The following LRRC4C variants were observed in gnomAD, a reference collection of about 807,000 sequenced individuals.
The protein encoded by LRRC4C is leucine-rich repeat-containing protein 4C.
LRRC4C carries 5 observed loss-of-function variants against 33.6 expected under a neutral mutation model. The observed-to-expected ratio is 0.15, with a 90% CI of 0.08 to 0.31. The LOEUF (loss-of-function observed/expected upper bound fraction) is 0.31, where lower values mean the gene tolerates loss of function less well. LRRC4C is among the 10% of genes least tolerant of loss of function. The pLI is 1.00. For missense variants in LRRC4C, 560 were observed against 796.7 expected, an observed-to-expected ratio of 0.70 and a Z score of 3.58; for synonymous variants, 329 against 302.0, an observed-to-expected ratio of 1.09 and a Z score of -0.93.
chr11:40,769,046 G>A (rs12283238), intron 2 of LRRC4C, among the ~76,000 whole-genome samples: 7,711 of 151,920 alleles, frequency 0.051, 263 homozygotes, highest in African/African-American at 0.092. Context: ...TCAAATTATC[G>A]TTGTTTGTGA....
intron 3 of LRRC4C, among the ~76,000 whole-genome samples, chr11:40,374,330 A>G (rs562695471): frequency 6.6e-6 from 1 of 152,162 alleles, no homozygotes; most frequent in Non-Finnish European, 1.5e-5. Context: ...GTATGCATTT[A>G]TTAATTCCCT....
intron 1 of LRRC4C, among the ~76,000 whole-genome samples, chr11:40,988,250 C>T (rs1853215102): frequency 1.3e-5 from 2 of 152,166 alleles, no homozygotes; most frequent in South Asian, 2.1e-4. Flanking sequence ...CTCACTCCCA[C>T]GGTCCCAGCT....
intron 3 of LRRC4C, among the ~76,000 whole-genome samples, chr11:40,590,271 G>A (rs369137468): frequency 3.2e-4 from 48 of 151,072 alleles, no homozygotes; most frequent in African/African-American, 7.8e-4. Context: ...TGATCGCATC[G>A]TCTCCTGAGG....
In LRRC4C at chr11:41,254,276, T is replaced by C. The variant is rs532950238; in HGVS notation, c.-496+205155A>G. Among the ~76,000 whole-genome samples the C allele has an allele frequency of 5.3e-5, 8 of 152,184 alleles. No homozygotes were observed. In the South Asian group the frequency reaches 1.0e-3, roughly 20 times the overall value. On this transcript the variant is annotated intron_variant, in intron 1 of 6. Coordinates refer to ENST00000528697, the MANE Select transcript of LRRC4C (RefSeq NM_001258419.2). ...ATCAAGAAACCCTTTTTCCAATAAATGCACACCAACCCATCACCTTCATTT... is the reference window on the plus strand; with the variant it reads ...ATCAAGAAACCCTTTTTCCAATAAACGCACACCAACCCATCACCTTCATTT...
intron 1 of LRRC4C, among the ~76,000 whole-genome samples, chr11:41,457,050 C>T (rs1956191961): frequency 6.6e-6 from 1 of 152,172 alleles, no homozygotes; most frequent in Non-Finnish European, 1.5e-5. Flanking sequence ...AAGATTCACT[C>T]ATTACAATTA....
chr11:41,167,310 T>C (rs190069723), intron 1 of LRRC4C, among the ~76,000 whole-genome samples: 5 of 152,298 alleles, frequency 3.3e-5, no homozygotes, highest in Admixed American at 6.5e-5. Context: ...CTAATTCCTC[T>C]GAGCAGGAGG....
At chr11:40,844,163 A>G (rs142366082) in intron 2 of LRRC4C, among the ~76,000 whole-genome samples, 1 of 152,110 alleles carries the variant, frequency 6.6e-6, no homozygotes, top group Non-Finnish European at 1.5e-5. Flanking sequence ...ACTAGTTTAC[A>G]GTCATGTTGG....
intron 1 of LRRC4C, among the ~76,000 whole-genome samples, chr11:41,301,018 A>G (rs1044833156): frequency 3.9e-5 from 6 of 152,186 alleles, no homozygotes; most frequent in Non-Finnish European, 7.4e-5. Context: ...TTTTGTTTGG[A>G]TATTAAAACA....
intron 5 of LRRC4C, among the ~76,000 whole-genome samples, chr11:40,187,296 G>A (rs2135569222): frequency 6.6e-6 from 1 of 151,772 alleles, no homozygotes; most frequent in African/African-American, 2.4e-5. Flanking sequence ...ATACTTCAAG[G>A]TGAAATGCCT....
chr11:40,330,710 A>G (rs1342614855), intron 3 of LRRC4C, among the ~76,000 whole-genome samples: 1 of 152,076 alleles, frequency 6.6e-6, no homozygotes, highest in East Asian at 1.9e-4. Flanking sequence ...GAACTTACTC[A>G]CTATCATGAG....
chr11:41,122,637 T>C (rs1414583272), intron 1 of LRRC4C, among the ~76,000 whole-genome samples: 1 of 151,916 alleles, frequency 6.6e-6, no homozygotes, highest in Non-Finnish European at 1.5e-5. Context: ...GAAATATATA[T>C]AAATATGGCA....
At chr11:41,408,125 G>T (rs1314394726) in intron 1 of LRRC4C, among the ~76,000 whole-genome samples, 4 of 152,110 alleles carry the variant, frequency 2.6e-5, no homozygotes, top group African/African-American at 9.7e-5. Flanking sequence ...GGTCAGAGAG[G>T]TTACAAGATG....
chr11:40,343,143 C>G (rs1432690159), intron 3 of LRRC4C, among the ~76,000 whole-genome samples: 1 of 152,012 alleles, frequency 6.6e-6, no homozygotes, highest in African/African-American at 2.4e-5. Flanking sequence ...TGACTCACTA[C>G]CATTGGAAAT....
intron 1 of LRRC4C, among the ~76,000 whole-genome samples, chr11:41,309,081 C>T (rs1950579511): frequency 6.6e-6 from 1 of 152,182 alleles, no homozygotes; most frequent in Non-Finnish European, 1.5e-5. Flanking sequence ...TGGGATTACA[C>T]ATCACACACC....
intron 3 of LRRC4C, among the ~76,000 whole-genome samples, chr11:40,516,370 T>A (rs185070616): frequency 1.0e-3 from 155 of 152,224 alleles, no homozygotes; most frequent in South Asian, 4.3e-3. Flanking sequence ...TCAAGGCTCA[T>A]TATTTTCCAA....
At chr11:40,641,330 T>C (rs78744352) in intron 3 of LRRC4C, among the ~76,000 whole-genome samples, 1,777 of 152,270 alleles carry the variant, frequency 0.012, 35 homozygotes, top group African/African-American at 0.04. Flanking sequence ...TAATGTGCCA[T>C]TCTTATTCAC....
chr11:40,338,172 G>A (rs889778009), intron 3 of LRRC4C, among the ~76,000 whole-genome samples: 9 of 152,132 alleles, frequency 5.9e-5, no homozygotes, highest in African/African-American at 2.2e-4. Flanking sequence ...TGAGGATGTG[G>A]CTGTTTGGAA....
chr11:41,012,255 C>G (rs73468537), intron 1 of LRRC4C, among the ~76,000 whole-genome samples: 27 of 152,168 alleles, frequency 1.8e-4, no homozygotes, highest in African/African-American at 5.5e-4. Flanking sequence ...CCCTTCTCAG[C>G]CTCTGTTAAC....
chr11:40,657,115 G>A (rs116161059), intron 2 of LRRC4C, among the ~76,000 whole-genome samples: 1,591 of 152,180 alleles, frequency 0.01, 26 homozygotes, highest in African/African-American at 0.034. Context: ...AAGATCTGCC[G>A]CGAATGAATC....
Sources: gnomAD v4.1 joint callset for allele counts (sites outside exome capture counted in the v4.1 genomes callset) on GRCh38, gnomAD v4.1.1 for gene constraint, MANE v1.5 for transcripts, NCBI Gene and HGNC (gene_info 2026-07-23, HGNC 2026-07-21) for gene names.